The following TAF1 variants were observed in gnomAD, a reference collection of about 807,000 sequenced individuals.
TAF1 encodes TATA-box binding protein associated factor 1.
TAF1 carries 2 observed loss-of-function variants against 138.5 expected under a neutral mutation model. The observed-to-expected ratio is 0.01, with a 90% confidence interval of 0.01 to 0.05. TAF1 has a LOEUF of 0.05. Among genes scored for constraint, TAF1 ranks in the 10% least tolerant of loss-of-function variants. The pLI is 1.00. For synonymous variants in TAF1, 437 were observed against 503.2 expected, an observed-to-expected ratio of 0.87 and a Z score of 1.76; for missense variants, 709 against 1,478.0, an observed-to-expected ratio of 0.48 and a Z score of 8.53.
chrX:71,498,824 A>G (rs1019195285), intron 13 of TAF1, among the ~76,000 whole-genome samples: 9 of 111,878 alleles, frequency 8.0e-5, no homozygotes, highest in Non-Finnish European at 1.5e-4. Flanking sequence ...TCTCCCAATT[A>G]CAACTGAGGA....
chrX:71,504,130 T>C (rs2039573852), intron 13 of TAF1, among the ~76,000 whole-genome samples: 1 of 111,135 alleles, frequency 9.0e-6, no homozygotes, highest in Non-Finnish European at 1.9e-5. Context: ...AGCATGTGCC[T>C]GAGTGTTCCA....
chrX:71,399,182 C>T (rs1451295148), intron 24 of TAF1, among the ~76,000 whole-genome samples: 1 of 110,810 alleles, frequency 9.0e-6, no homozygotes, highest in Non-Finnish European at 1.9e-5. Flanking sequence ...TCAAGTGATC[C>T]TCCCACCTTG....
exon 14 of TAF1, chrX:71,528,617 T>G (rs182480174): frequency 6.1e-6 from 2 of 329,660 alleles, no homozygotes; most frequent in Admixed American, 3.1e-5. Flanking sequence ...CTCTACCCGA[T>G]TCTCAGCTTT....
intron 14 of TAF1, among the ~76,000 whole-genome samples, chrX:71,386,117 C>T (rs1336415698): frequency 2.8e-5 from 3 of 107,176 alleles, no homozygotes; most frequent in African/African-American, 1.0e-4. Flanking sequence ...GCCGAGATCG[C>T]GCCATTGCAC....
chrX:71,476,035 C>G (rs756233131), intron 13 of TAF1, among the ~76,000 whole-genome samples: 1 of 111,791 alleles, frequency 8.9e-6, no homozygotes, highest in Non-Finnish European at 1.9e-5. Context: ...GAGACCTGCT[C>G]AGAAGCAGAT....
intron 25 of TAF1, among the ~76,000 whole-genome samples, chrX:71,405,823 A>G (rs1328102914): frequency 1.8e-5 from 2 of 111,009 alleles, no homozygotes; most frequent in Non-Finnish European, 3.8e-5. Context: ...CTTAGGCAAT[A>G]TAGTGAGACC....
chrX:71,440,500 C>T lies in TAF1; in HGVS notation c.4754-13670C>T, dbSNP rs761711917. On this transcript the variant is annotated intron_variant, in intron 32 of 37. Coordinates refer to ENST00000423759, the MANE Select transcript of TAF1 (RefSeq NM_004606.5). ...AGTTTTACAAGACACGGCACTATTT[C>T]ATTTTTTTTTTTTCCACATCAGATG... is the stretch of plus-strand genomic sequence containing the variant. Among the ~76,000 whole-genome samples, 88 of 108,988 alleles carry T rather than the reference C, an allele frequency of 8.1e-4. 1 individual carries two copies. The highest frequency in any genetic ancestry group is 1.3e-3 in the Non-Finnish European group (69 of 52,392). The allele number at this position is 108,988 out of a possible 115,157, so 94.6% of individuals were successfully genotyped here. A position where few individuals can be genotyped will look rare whatever the true frequency, so the allele number is the denominator to read the frequency against.
At chrX:71,423,905 A>G in intron 30 of TAF1, 69 bp from the exon 31 acceptor site, 2 of 880,092 alleles carry the variant, frequency 2.3e-6, no homozygotes, top group Non-Finnish European at 3.2e-6. Flanking sequence ...TTTGTAACCC[A>G]ACAAAGGTGG....
intron 13 of TAF1, among the ~76,000 whole-genome samples, chrX:71,516,175 C>A (rs964866920): frequency 4.6e-5 from 5 of 109,146 alleles, no homozygotes; most frequent in African/African-American, 1.3e-4. Context: ...GATCCTCCCA[C>A]CTTAGCCTCC....
At chrX:71,456,758 C>G (rs1435516519) in intron 34 of TAF1, among the ~76,000 whole-genome samples, 1 of 96,429 alleles carries the variant, frequency 1.0e-5, no homozygotes, top group African/African-American at 3.9e-5. Context: ...TCACTGCAAC[C>G]TTCGCCTCCC....
At chrX:71,470,242 A>G (rs184235212), downstream of TAF1, among the ~76,000 whole-genome samples, 5 of 111,096 alleles carry the variant, frequency 4.5e-5, no homozygotes, top group East Asian at 8.4e-4. Flanking sequence ...AATTTATAAA[A>G]GTTTAAAAAA....
intron 13 of TAF1, among the ~76,000 whole-genome samples, chrX:71,493,358 A>G (rs772949542): frequency 8.9e-6 from 1 of 112,371 alleles, no homozygotes; most frequent in African/African-American, 3.2e-5. Context: ...GTCTCCAAGC[A>G]AACACGCTCT....
chrX:71,369,677 C>T (rs1325015950), intron 3 of TAF1, among the ~76,000 whole-genome samples: 6 of 104,276 alleles, frequency 5.8e-5, no homozygotes, highest in African/African-American at 2.1e-4. Flanking sequence ...GCAATCTTGG[C>T]TCACTGCAAG....
intron 28 of TAF1, chrX:71,420,058 C>A: frequency 3.9e-6 from 1 of 259,153 alleles, no homozygotes; most frequent in Non-Finnish European, 7.0e-6. Context: ...TTTTTTTCTT[C>A]TCTTTCCTCC....
intron 22 of TAF1, among the ~76,000 whole-genome samples, chrX:71,395,218 G>A (rs1250345766): frequency 3.6e-5 from 4 of 111,642 alleles, no homozygotes; most frequent in Admixed American, 1.9e-4. Flanking sequence ...TTAAAGTAGT[G>A]AATTTCAAGG....
intron 13 of TAF1, among the ~76,000 whole-genome samples, chrX:71,495,316 C>T (rs1177011823): frequency 9.0e-6 from 1 of 111,300 alleles, no homozygotes. Context: ...TTGATGGCCT[C>T]GATCCTAGAG....
chrX:71,516,864 C>G (rs1053517004), intron 13 of TAF1, among the ~76,000 whole-genome samples: 5 of 109,184 alleles, frequency 4.6e-5, no homozygotes, highest in African/African-American at 1.7e-4. Context: ...GCCACCACTC[C>G]CAGCTCATTT....
intron 32 of TAF1, 79 bp downstream of exon 32, chrX:71,424,317 A>T (rs748829574): frequency 4.0e-5 from 36 of 910,154 alleles, no homozygotes; most frequent in South Asian, 2.0e-4. Context: ...TTATTAAAAA[A>T]TTTTTTTTTG....
At chrX:71,407,526 G>C in intron 26 of TAF1, 48 bp from the exon 27 acceptor site, 1 of 1,132,403 alleles carries the variant, frequency 8.8e-7, no homozygotes, top group Non-Finnish European at 1.2e-6. Context: ...ACAGAATGTG[G>C]ATTTTTTTTG....
Sources: gnomAD v4.1 joint callset for allele counts (sites outside exome capture counted in the v4.1 genomes callset) on GRCh38, gnomAD v4.1.1 for gene constraint, MANE v1.5 for transcripts, NCBI Gene and HGNC (gene_info 2026-07-23, HGNC 2026-07-21) for gene names.